Variants in HMX1 observed in about 807,000 individuals in gnomAD.
HMX1 encodes the protein H6 family homeobox 1.
Under a neutral mutation model 8.9 loss-of-function variants are expected in HMX1, and 8 were observed. The observed-to-expected ratio is 0.90, with a 90% CI of 0.53 to 1.63. The LOEUF is 1.63. Ranked by LOEUF, HMX1 falls within the 40% of genes most tolerant of loss-of-function variation. The pLI is 0.00. For synonymous variants in HMX1, 311 were observed against 283.4 expected (o/e 1.10, Z -0.98); for missense variants, 621 against 558.5 (o/e 1.11, Z -1.13).
At chr4:8,851,574 C>T (rs1721449568) in intron 1 of HMX1, among the ~76,000 whole-genome samples, 1 of 152,214 alleles carries the variant, frequency 6.6e-6, no homozygotes, top group African/African-American at 2.4e-5. Flanking sequence ...TACAAGACCC[C>T]CTGAGGCCCA....
intron 1 of HMX1, among the ~76,000 whole-genome samples, chr4:8,869,742 G>C (rs1045112063): frequency 6.6e-6 from 1 of 152,150 alleles, no homozygotes; most frequent in Non-Finnish European, 1.5e-5. Flanking sequence ...AGAGGCCCAT[G>C]TGCTGCCACA....
intron 1 of HMX1, among the ~76,000 whole-genome samples, chr4:8,851,892 G>A (rs1015917755): frequency 6.6e-6 from 1 of 152,236 alleles, no homozygotes; most frequent in Non-Finnish European, 1.5e-5. Context: ...CTCATGCCCC[G>A]AGGCCAGGCA....
In HMX1 at chr4:8,868,333, T is replaced by A. The variant is rs910478425; in HGVS notation, c.407A>T (p.Asp136Val). The change falls in exon 2 of 2, where the codon GAC becomes GTC. Residue 136 changes from aspartate (D) to valine (V), a missense_variant. By Grantham distance (152) the Asp-to-Val change is radical. Transcript: ENST00000400677. This position sits in a 1 kb window ranked among gnomAD's most constrained non-coding sequence, Gnocchi z 4.6. ...GGLSPDTSDR[D>V]SPETGEEMGR... ...CATCTCCTCGCCCGTCTCCGGTGAGTCCCGGTCGCTGGCTGCAGGGGAGAG... is the reference window on the plus strand; with the variant it reads ...CATCTCCTCGCCCGTCTCCGGTGAGACCCGGTCGCTGGCTGCAGGGGAGAG... 1.3e-5 allele frequency: 18 copies of A among 1,390,440 alleles called. No homozygotes were observed. Among genetic ancestry groups the A allele is most frequent in the Non-Finnish European group, 1.7e-5 (18 of 1,080,892 alleles). The allele number at this position is 1,390,440 out of a possible 1,614,324, so 86.1% of individuals were successfully genotyped here. A position where few individuals can be genotyped will look rare whatever the true frequency, so the allele number is the denominator to read the frequency against.
chr4:8,868,994 A>C lies in HMX1; in HGVS notation c.395-649T>G, dbSNP rs138704357. The stretch of plus-strand genomic sequence containing the variant: ...CATCAGGTGAGGCTGTCACCCCCAC[A>C]CCACATACTCCTGTAGCCCTGACCC... On this transcript the variant is annotated intron_variant, in intron 1 of 1. Coordinates refer to ENST00000400677, the MANE Select transcript of HMX1 (RefSeq NM_018942.3). This position sits in a 1 kb window ranked among gnomAD's most constrained non-coding sequence, Gnocchi z 4.6. 1.6e-3 allele frequency among the ~76,000 whole-genome samples: 239 copies of C among 152,192 alleles called. 3 individuals carry two copies. The East Asian group carries it at 0.041, about 26-fold the overall frequency.
chr4:8,858,599 G>T (rs991836971), intron 1 of HMX1: 1 of 152,390 alleles, frequency 6.6e-6, no homozygotes, highest in Middle Eastern at 3.4e-3. Flanking sequence ...GACGTCATGG[G>T]GGGAGTGCCC....
Position 8,867,676 on chromosome 4 carries a change from G to T in HMX1, c.*17C>A. The T allele has an allele frequency of 8.1e-7, 1 of 1,241,590 alleles. No homozygotes were observed. The allele number at this position is 1,241,590 out of a possible 1,614,324, so 76.9% of individuals were successfully genotyped here. On this transcript the variant is annotated 3_prime_UTR_variant, in exon 2 of 2. Coordinates refer to ENST00000400677, the MANE Select transcript of HMX1 (RefSeq NM_018942.3). ...CAGGTCCACAGGGTCGTGGGGAGAG[G>T]GCCCGGCAGGCGGGGCTCACACCAG...
In HMX1 at chr4:8,870,351, CA is replaced by C. The variant is rs1284661111; in HGVS notation, c.394+869del. Among the ~76,000 whole-genome samples, 6 of 151,322 alleles carry C rather than the reference CA, an allele frequency of 4.0e-5. No individual in the cohort carries two copies. The highest frequency in any genetic ancestry group is 1.5e-4 in the African/African-American group (6 of 41,160). On this transcript the variant is annotated intron_variant, in intron 1 of 1. Transcript: ENST00000400677. This position sits in a 1 kb window ranked among gnomAD's most constrained non-coding sequence, Gnocchi z 4.4. ...ACCCTGGAACCCTGGGGAGGGGAAG[CA>C]GAACTAAGGGGTCAGATACCCAAGC...
intron 1 of HMX1, among the ~76,000 whole-genome samples, chr4:8,860,978 A>G (rs867078152): frequency 2.3e-3 from 72 of 31,414 alleles, no homozygotes; most frequent in Non-Finnish European, 8.1e-3. Flanking sequence ...AGGGCGGGGG[A>G]GGGGGCGGGG....
Position 8,867,855 on chromosome 4 carries a change from G to C in HMX1, c.885C>G (p.Ala295=). 1 of 1,242,642 alleles carries C rather than the reference G, an allele frequency of 8.0e-7. No individual in the cohort carries two copies. Among genetic ancestry groups the C allele is most frequent in the African/African-American group, 1.6e-5 (1 of 63,928 alleles). The allele number at this position is 1,242,642 out of a possible 1,614,324, so 77.0% of individuals were successfully genotyped here. The change falls in exon 2 of 2, where the codon GCC becomes GCG. Residue 295 remains alanine (A), a synonymous_variant. Transcript: ENST00000400677. ...LYHESPPAAA[A]AGPPATLPFP... The stretch of plus-strand genomic sequence containing the variant: ...AGGGCAGGGTGGCCGGGGGCCCAGC[G>C]GCGGCTGCGGCCGGGGGGCTTTCGT...
At chr4:8,859,869 C>T (rs1721738713) in intron 1 of HMX1, among the ~76,000 whole-genome samples, 1 of 152,244 alleles carries the variant, frequency 6.6e-6, no homozygotes, top group Non-Finnish European at 1.5e-5. Flanking sequence ...TTCGCCATTC[C>T]AGAGCAGGCG....
Position 8,867,305 on chromosome 4 carries a change from C to A in HMX1, c.*388G>T. 3 of 990,624 alleles carry A rather than the reference C, an allele frequency of 3.0e-6. No homozygotes were observed. Among genetic ancestry groups the A allele is most frequent in the Non-Finnish European group, 3.6e-6 (3 of 833,524 alleles). The allele number at this position is 990,624 out of a possible 1,614,324, so 61.4% of individuals were successfully genotyped here. A position where few individuals can be genotyped will look rare whatever the true frequency, so the allele number is the denominator to read the frequency against. On this transcript the variant is annotated 3_prime_UTR_variant, in exon 2 of 2. Coordinates refer to ENST00000400677, the MANE Select transcript of HMX1 (RefSeq NM_018942.3). ...GCAGTCTGTGGGGACAGTCACCGCT[C>A]AGCCTTGGACAGCCGGTTCGTAGTT...
intron 1 of HMX1, among the ~76,000 whole-genome samples, chr4:8,861,978 G>C (rs1006510249): frequency 6.6e-6 from 1 of 152,202 alleles, no homozygotes; most frequent in East Asian, 1.9e-4. Context: ...TGGGGAGCCG[G>C]GAGGCGGCGC....
Position 8,868,073 on chromosome 4 carries a change from C to T in HMX1, c.667G>A (p.Asp223Asn), listed in dbSNP as rs1252628929. 1.3e-6 allele frequency: 2 copies of T among 1,536,344 alleles called. No homozygotes were observed. Among genetic ancestry groups the T allele is most frequent in the Non-Finnish European group, 1.7e-6 (2 of 1,144,578 alleles). ...GCGCTGCTCAGGTAGCGCTTCAGGT[C>T]GAAGGTGGATTCCAGCTGGAAGACC... ...SQVFQLESTF[D>N]LKRYLSSAER... The change falls in exon 2 of 2, where the codon GAC becomes AAC. Residue 223 changes from aspartate to asparagine, a missense_variant. Transcript: ENST00000400677. This position sits in a 1 kb window ranked among gnomAD's most constrained non-coding sequence, Gnocchi z 4.6.
rs947290116 is a variant in HMX1, at chr4:8,867,434, G to C, written c.*259C>G. 1.1e-5 allele frequency: 12 copies of C among 1,095,272 alleles called. No homozygotes were observed. The African/African-American group carries it at 2.0e-4, about 18-fold the overall frequency. 67.8% of individuals were successfully genotyped at this position (1,095,272 alleles called of 1,614,324 possible). ...GGGTGGCCGTGGCGCCGGGGGCTGC[G>C]CAGCCCAGAGTCTCTGCATGGCCCC... On this transcript the variant is annotated 3_prime_UTR_variant, in exon 2 of 2. Transcript: ENST00000400677.
At chr4:8,857,635 A>G (rs1721655998) in intron 1 of HMX1, among the ~76,000 whole-genome samples, 1 of 151,928 alleles carries the variant, frequency 6.6e-6, no homozygotes, top group Non-Finnish European at 1.5e-5. Flanking sequence ...CTCTGCGAGC[A>G]CGCAGGGGTC....
In HMX1 at chr4:8,853,965, C is replaced by T. The variant is rs569726575; in HGVS notation, c.395-7641G>A. Among the ~76,000 whole-genome samples the T allele has an allele frequency of 8.0e-4, 122 of 152,306 alleles. 1 individual carries two copies. The highest frequency in any genetic ancestry group is 6.8e-3 in the Middle Eastern group (2 of 294). Reference sequence around the variant, plus strand: ...ATAAAGCTTTTTGCTTTTGCGTTTACATCTTGAACCAGCCTGAGAGGAAGT... The same window carrying T: ...ATAAAGCTTTTTGCTTTTGCGTTTATATCTTGAACCAGCCTGAGAGGAAGT... On this transcript the variant is annotated intron_variant, in intron 1 of 1. Coordinates refer to the HMX1 transcript ENST00000506970. This position sits in a 1 kb window ranked among gnomAD's most constrained non-coding sequence, Gnocchi z 4.7.
intron 1 of HMX1, among the ~76,000 whole-genome samples, chr4:8,850,611 A>G (rs573331053): frequency 6.6e-6 from 1 of 152,082 alleles, no homozygotes; most frequent in South Asian, 2.1e-4. Flanking sequence ...CTTGCCCACA[A>G]TCGCCTCCAC....
rs1434976169 is a variant in HMX1 at position 8,868,300 on chromosome 4, G to C, written c.440C>G (p.Ala147Gly). 4 of 1,439,296 alleles carry C rather than the reference G, an allele frequency of 2.8e-6. No individual in the cohort carries two copies. The highest frequency in any genetic ancestry group is 2.6e-5 in the Admixed American group (1 of 37,898). 89.2% of individuals were successfully genotyped at this position (1,439,296 alleles called of 1,614,324 possible). ...SPETGEEMGR[A>G]EGAWPRGPGP... ...GGGGCCTCGCGGCCAGGCGCCCTCC[G>C]CACGGCCCATCTCCTCGCCCGTCTC... Residue 147 changes from alanine (A) to glycine (G), a missense_variant, in exon 2 of 2, where the codon GCG becomes GGG. Transcript: ENST00000400677. The surrounding 1 kb of genome is among the most constrained non-coding windows in gnomAD (Gnocchi z 4.6).
downstream of HMX1, among the ~76,000 whole-genome samples, chr4:8,863,676 G>C (rs1721904275): frequency 1.3e-5 from 2 of 152,272 alleles, no homozygotes; most frequent in Non-Finnish European, 2.9e-5. Context: ...GTACCTGCCT[G>C]TCTCTCATTT....
Sources: gnomAD v4.1 joint callset for allele counts (sites outside exome capture counted in the v4.1 genomes callset) on GRCh38, gnomAD v4.1.1 for gene constraint, Gnocchi (gnomAD v3.1) non-coding constraint, MANE v1.5 for transcripts, NCBI Gene and HGNC (gene_info 2026-07-23, HGNC 2026-07-21) for gene names.